The following MCHR2 variants were observed in gnomAD, a reference collection of about 807,000 sequenced individuals.
The protein encoded by MCHR2 is melanin concentrating hormone receptor 2, also known as melanin-concentrating hormone receptor 2.
A neutral mutation model predicts 24.8 loss-of-function variants in MCHR2; 15 were observed. The ratio of observed to expected loss-of-function variants is 0.60; its 90% CI spans 0.40 to 0.93. The LOEUF is 0.93. Ranked by LOEUF, MCHR2 falls within the 40% of genes least tolerant of loss-of-function variation. The pLI, the probability that MCHR2 is intolerant of heterozygous loss-of-function variation, is 0.00. For missense variants in MCHR2, 386 were observed against 408.7 expected, an observed-to-expected ratio of 0.94 and a Z score of 0.48; for synonymous variants, 151 against 147.6, an observed-to-expected ratio of 1.02 and a Z score of -0.17.
chr6:99,951,965 T>C (rs1168656725), intron 2 of MCHR2, among the ~76,000 whole-genome samples: 1 of 152,094 alleles, frequency 6.6e-6, no homozygotes, highest in Non-Finnish European at 1.5e-5. Context: ...GCACCTTTTA[T>C]AGAGACTCTG....
chr6:99,926,764 A>C (rs1319772847), intron 5 of MCHR2, among the ~76,000 whole-genome samples: 2 of 151,918 alleles, frequency 1.3e-5, no homozygotes, highest in Admixed American at 1.3e-4. Context: ...AGGTTGTGAA[A>C]ATTTTCTCCC....
intron 2 of MCHR2, among the ~76,000 whole-genome samples, chr6:99,954,752 T>C (rs1775027262): frequency 1.3e-5 from 2 of 152,182 alleles, no homozygotes; most frequent in Admixed American, 1.3e-4. Flanking sequence ...GGAATGATGG[T>C]GATGCCAAAC....
intron 5 of MCHR2, among the ~76,000 whole-genome samples, chr6:99,924,350 A>G (rs935567944): frequency 2.6e-5 from 4 of 152,084 alleles, no homozygotes; most frequent in African/African-American, 9.6e-5. Flanking sequence ...ACTTTAAAAA[A>G]AATCAGATTT....
At chr6:99,971,298 A>G (rs532910964) in intron 1 of MCHR2, among the ~76,000 whole-genome samples, 1 of 150,360 alleles carries the variant, frequency 6.7e-6, no homozygotes, top group East Asian at 2.0e-4. Context: ...TTGGATTCCT[A>G]GGTATTTTAT....
At chr6:99,975,784 A>G (rs561419334) in intron 1 of MCHR2, among the ~76,000 whole-genome samples, 2 of 152,252 alleles carry the variant, frequency 1.3e-5, no homozygotes, top group African/African-American at 2.4e-5. Flanking sequence ...CCATCTCCTT[A>G]GGATAAGTAG....
intron 1 of MCHR2, among the ~76,000 whole-genome samples, chr6:99,970,591 T>C (rs1775390289): frequency 6.6e-6 from 1 of 152,208 alleles, no homozygotes; most frequent in African/African-American, 2.4e-5. Flanking sequence ...CAATTTTGGC[T>C]TTTGTTGCCT....
chr6:99,934,451 A>G lies in MCHR2; in HGVS notation c.654T>C (p.Ile218=). 1 of 1,607,152 alleles carries G rather than the reference A, an allele frequency of 6.2e-7. No homozygotes were observed. The highest frequency in any genetic ancestry group is 8.5e-7 in the Non-Finnish European group (1 of 1,177,200). ...FPLPLILVCY[I]LILCYTWEMY... is the part of the protein sequence containing the mutation. ...TCTCCCAAGTATAGCATAAAATTAA[A>G]ATATAGCACACCAAAATCAAGGGTA... The change falls in exon 5 of 6, where the codon ATT becomes ATC. Residue 218 remains isoleucine, a synonymous_variant. Transcript: ENST00000281806.
intron 3 of MCHR2, 123 bp downstream of exon 3, chr6:99,947,639 A>T: frequency 1.4e-5 from 6 of 421,874 alleles, no homozygotes; most frequent in East Asian, 9.2e-4. Flanking sequence ...TCAGTTCTAC[A>T]GTGAAACAAA....
chr6:99,990,034 T>C (rs889466246), intron 1 of MCHR2, among the ~76,000 whole-genome samples: 1 of 132,926 alleles, frequency 7.5e-6, no homozygotes, highest in Non-Finnish European at 1.6e-5. Flanking sequence ...CCAAGTAAAC[T>C]TGCAAGTTCA....
intron 2 of MCHR2, among the ~76,000 whole-genome samples, chr6:99,950,801 A>G (rs553115428): frequency 2.0e-5 from 3 of 152,248 alleles, no homozygotes; most frequent in African/African-American, 4.8e-5. Context: ...CAAAATTTCT[A>G]TTAAAATCAT....
chr6:99,948,369 C>T (rs774435202), intron 2 of MCHR2, among the ~76,000 whole-genome samples: 5 of 151,990 alleles, frequency 3.3e-5, no homozygotes, highest in African/African-American at 4.8e-5. Context: ...TGGTGGTAGC[C>T]GGCTACCATC....
intron 5 of MCHR2, among the ~76,000 whole-genome samples, chr6:99,930,778 G>T (rs1461656428): frequency 6.6e-6 from 1 of 151,910 alleles, no homozygotes; most frequent in Non-Finnish European, 1.5e-5. Context: ...CTTTCCCTTT[G>T]GTTTGAATTT....
intron 1 of MCHR2, among the ~76,000 whole-genome samples, chr6:99,986,318 TG>T (rs1339919558): frequency 1.3e-5 from 2 of 152,170 alleles, no homozygotes; most frequent in Non-Finnish European, 2.9e-5. Flanking sequence ...ATCTCATCAC[TG>T]GGTATCTACC....
At chr6:99,924,311 T>C (rs1266630962) in intron 5 of MCHR2, among the ~76,000 whole-genome samples, 1 of 152,068 alleles carries the variant, frequency 6.6e-6, no homozygotes, top group African/African-American at 2.4e-5. Context: ...TCTCAGTTAG[T>C]CTGGCTAAAA....
At chr6:99,933,740 T>C (rs1774593437) in intron 5 of MCHR2, among the ~76,000 whole-genome samples, 1 of 152,110 alleles carries the variant, frequency 6.6e-6, no homozygotes, top group Non-Finnish European at 1.5e-5. Flanking sequence ...TAAAATATAA[T>C]GTTTAATAAA....
At chr6:99,984,561 C>T (rs1775736536) in intron 1 of MCHR2, among the ~76,000 whole-genome samples, 2 of 152,050 alleles carry the variant, frequency 1.3e-5, no homozygotes, top group African/African-American at 4.8e-5. Flanking sequence ...ACCACATACA[C>T]AGAATTTTAA....
At chr6:99,990,742 TTCTGTCTCCTC>T (rs1322747230) in intron 1 of MCHR2, among the ~76,000 whole-genome samples, 3 of 151,874 alleles carry the variant, frequency 2.0e-5, no homozygotes, top group African/African-American at 7.3e-5. Flanking sequence ...ATTTACATAA[TTCTGTCTCCTC>T]TCTGTCTCTC....
At chr6:99,991,474 A>T (rs1775873582) in intron 1 of MCHR2, among the ~76,000 whole-genome samples, 1 of 152,180 alleles carries the variant, frequency 6.6e-6, no homozygotes, top group South Asian at 2.1e-4. Context: ...AGGTGAGAAT[A>T]ATACTCTCTA....
chr6:99,951,769 C>G (rs1774970046), intron 2 of MCHR2, among the ~76,000 whole-genome samples: 1 of 152,082 alleles, frequency 6.6e-6, no homozygotes, highest in Non-Finnish European at 1.5e-5. Flanking sequence ...GACCTGTGTT[C>G]TAAAACGTTT....
Sources: allele counts gnomAD v4.1 joint callset (sites outside exome capture counted in the v4.1 genomes callset), GRCh38; gene constraint gnomAD v4.1.1; transcripts MANE v1.5; gene names NCBI Gene and HGNC (gene_info 2026-07-23, HGNC 2026-07-21).